WAC: variants seen among roughly 807,000 people sequenced by gnomAD.
WAC encodes WW domain containing adaptor with coiled-coil, also known as WW domain-containing adapter protein with coiled-coil.
In WAC, 11 loss-of-function variants were observed where a neutral mutation model predicts 79.6. The ratio of observed to expected loss-of-function variants is 0.14; its 90% CI spans 0.09 to 0.23. WAC has a LOEUF of 0.23. WAC is among the 10% of genes least tolerant of loss of function. The pLI is 1.00. For missense variants in WAC, 728 were observed against 773.5 expected, an observed-to-expected ratio of 0.94 and a Z score of 0.70; for synonymous variants, 304 against 276.9, an observed-to-expected ratio of 1.10 and a Z score of -0.97.
Position 28,621,271 on chromosome 10 carries a change from C to T in WAC, c.*1665C>T, listed in dbSNP as rs1386262747. ...AGATAAGTGCTTCCAAAACTGGCAG[C>T]ACCAAGGGCTTATTTTTTATGTTAG... On this transcript the variant is annotated 3_prime_UTR_variant, in exon 14 of 14. Transcript: ENST00000354911. 2 of 143,306 alleles carry T rather than the reference C, an allele frequency of 1.4e-5. No homozygotes were observed. Among genetic ancestry groups the T allele is most frequent in the Non-Finnish European group, 3.0e-5 (2 of 66,514 alleles). The allele number at this position is 143,306 out of a possible 1,614,324, so 8.9% of individuals were successfully genotyped here. A position where few individuals can be genotyped will look rare whatever the true frequency, so the allele number is the denominator to read the frequency against.
At position 28,563,744 on chromosome 10, in the gene WAC, C is replaced by CTTTTTTTTTTTTTTTTTTTTTTTT. The variant is rs71281550; in HGVS notation, c.275-19649_275-19626dup. ...ACAAGTGCATGCTGCCTACACCCAGCTTTTTTTTTTTTTTTTTTTTTTTTT... is the reference window on the plus strand; with the variant it reads ...ACAAGTGCATGCTGCCTACACCCAGCTTTTTTTTTTTTTTTTTTTTTTTTTTTTTTTTTTTTTTTTTTTTTTTTT... On this transcript the variant is annotated intron_variant, in intron 3 of 13. Transcript: ENST00000354911. Among the ~76,000 whole-genome samples the CTTTTTTTTTTTTTTTTTTTTTTTT allele has an allele frequency of 5.0e-4, 34 of 67,900 alleles. 5 individuals are homozygous for CTTTTTTTTTTTTTTTTTTTTTTTT. The highest frequency in any genetic ancestry group is 8.0e-4 in the Non-Finnish European group (31 of 38,894). The allele number at this position is 67,900 out of a possible 152,430, so 44.5% of individuals were successfully genotyped here. A position where few individuals can be genotyped will look rare whatever the true frequency, so the allele number is the denominator to read the frequency against.
intron 3 of WAC, chr10:28,538,120 AACG>A (rs1208163086): frequency 1.9e-5 from 3 of 157,040 alleles, no homozygotes; most frequent in Non-Finnish European, 4.3e-5. Context: ...CTCTTCAAAA[AACG>A]TAAAATGGTG....
chr10:28,558,739 G>A (rs920997840), intron 3 of WAC, among the ~76,000 whole-genome samples: 16 of 152,166 alleles, frequency 1.1e-4, no homozygotes, highest in Admixed American at 1.0e-3. Flanking sequence ...AAAGTCTGGT[G>A]CACTCAAGAA....
chr10:28,591,050 T>G, intron 6 of WAC: 3 of 473,820 alleles, frequency 6.3e-6, no homozygotes, highest in South Asian at 2.3e-5. Flanking sequence ...CCACTACACA[T>G]TATGGCTATA....
Position 28,622,216 on chromosome 10 carries a change from G to A in WAC, c.*2610G>A, listed in dbSNP as rs1008073617. 2 of 151,940 alleles carry A rather than the reference G, an allele frequency of 1.3e-5. No homozygotes were observed. The highest frequency in any genetic ancestry group is 4.8e-5 in the African/African-American group (2 of 41,330). The allele number at this position is 151,940 out of a possible 1,614,324, so 9.4% of individuals were successfully genotyped here. A position where few individuals can be genotyped will look rare whatever the true frequency, so the allele number is the denominator to read the frequency against. ...AAACACAGAAAATCTAAAATTTTGT[G>A]GAAATATTTTAAATATTGCACCTTA... On this transcript the variant is annotated 3_prime_UTR_variant, in exon 14 of 14. Coordinates refer to ENST00000354911, the MANE Select transcript of WAC (RefSeq NM_016628.5).
At chr10:28,565,608 T>A (rs1026883777) in intron 3 of WAC, among the ~76,000 whole-genome samples, 3 of 152,224 alleles carry the variant, frequency 2.0e-5, no homozygotes, top group Non-Finnish European at 4.4e-5. Context: ...TCAAATAATA[T>A]TATTATAAAT....
At chr10:28,542,456 A>T (rs537721166) in intron 3 of WAC, among the ~76,000 whole-genome samples, 4 of 152,344 alleles carry the variant, frequency 2.6e-5, no homozygotes, top group African/African-American at 9.6e-5. Flanking sequence ...GACACATTTT[A>T]AAAAGATAGG....
chr10:28,611,488 A>C, intron 9 of WAC: 2 of 1,369,692 alleles, frequency 1.5e-6, no homozygotes, highest in African/African-American at 1.4e-5. Flanking sequence ...GATGGTGAGG[A>C]GGCCTTCCAT....
At chr10:28,589,952 C>T in intron 5 of WAC, 101 bp downstream of exon 5, 1 of 808,826 alleles carries the variant, frequency 1.2e-6, no homozygotes, top group Non-Finnish European at 2.0e-6. Context: ...TTTTATAGTG[C>T]TGCCCATCTA....
In WAC at chr10:28,619,780, G is replaced by A. The variant is rs962973104; in HGVS notation, c.*174G>A. ...CAGGGGAAAGATACAAGATTGATTT[G>A]TAAAACCCTTGAAATGTAGATTTCT... On this transcript the variant is annotated 3_prime_UTR_variant, in exon 14 of 14. Transcript: ENST00000354911. 4.2e-5 allele frequency: 21 copies of A among 503,680 alleles called. No individual in the cohort carries two copies. Among genetic ancestry groups the A allele is most frequent in the Non-Finnish European group, 7.3e-5 (21 of 287,278 alleles). The allele number at this position is 503,680 out of a possible 1,614,324, so 31.2% of individuals were successfully genotyped here. A position where few individuals can be genotyped will look rare whatever the true frequency, so the allele number is the denominator to read the frequency against.
intron 3 of WAC, among the ~76,000 whole-genome samples, chr10:28,567,214 C>CT (rs1456435736): frequency 6.1e-5 from 9 of 148,196 alleles, no homozygotes; most frequent in Admixed American, 5.4e-4. Context: ...GTTGGGGGGA[C>CT]TTTATCTAAA....
At chr10:28,552,148 T>A (rs956377336) in intron 3 of WAC, among the ~76,000 whole-genome samples, 14 of 152,254 alleles carry the variant, frequency 9.2e-5, no homozygotes, top group African/African-American at 3.1e-4. Context: ...GTTTACTTTT[T>A]AAAAATCAAT....
intron 3 of WAC, among the ~76,000 whole-genome samples, chr10:28,575,476 G>A (rs111752802): frequency 2.0e-5 from 3 of 152,302 alleles, no homozygotes; most frequent in African/African-American, 2.4e-5. Flanking sequence ...CAGTTTTTCT[G>A]CATCCTCACC....
intron 2 of WAC, among the ~76,000 whole-genome samples, chr10:28,534,834 C>T (rs1836540508): frequency 6.6e-6 from 1 of 152,206 alleles, no homozygotes; most frequent in African/African-American, 2.4e-5. Context: ...ATATGTAAAA[C>T]ATTGGATATG....
At chr10:28,601,073 GA>G (rs1266730721) in intron 7 of WAC, among the ~76,000 whole-genome samples, 7 of 151,898 alleles carry the variant, frequency 4.6e-5, no homozygotes, top group Non-Finnish European at 7.4e-5. Flanking sequence ...GGCAACAAAA[GA>G]AAAAAATAGG....
At chr10:28,570,342 A>T (rs1838878099) in intron 3 of WAC, among the ~76,000 whole-genome samples, 1 of 152,176 alleles carries the variant, frequency 6.6e-6, no homozygotes, top group South Asian at 2.1e-4. Flanking sequence ...TGCTATGCTT[A>T]TAATAGTTGT....
intron 5 of WAC, among the ~76,000 whole-genome samples, chr10:28,590,311 C>CAAAAA (rs34562281): frequency 7.7e-5 from 8 of 103,384 alleles, no homozygotes; most frequent in Non-Finnish European, 1.5e-4. Context: ...GATGCTATCT[C>CAAAAA]AAAAAAAAAA....
At chr10:28,615,952 G>T (rs914644632) in intron 11 of WAC, 5 of 413,636 alleles carry the variant, frequency 1.2e-5, no homozygotes, top group Admixed American at 4.0e-5. Context: ...GTTTACATTT[G>T]ACTCTGACAG....
intron 12 of WAC, among the ~76,000 whole-genome samples, chr10:28,616,674 A>G (rs1841481797): frequency 6.6e-6 from 1 of 152,208 alleles, no homozygotes; most frequent in Non-Finnish European, 1.5e-5. Flanking sequence ...TTAAGACCAA[A>G]TAGTGCATAA....
Sources: gnomAD v4.1 joint callset for allele counts (sites outside exome capture counted in the v4.1 genomes callset) on GRCh38, gnomAD v4.1.1 for gene constraint, MANE v1.5 for transcripts, NCBI Gene and HGNC (gene_info 2026-07-23, HGNC 2026-07-21) for gene names.